Variants in FRMD4B observed in about 807,000 individuals in gnomAD.
FRMD4B encodes the protein FERM domain containing 4B.
FRMD4B carries 74 observed loss-of-function variants against 141.5 expected under a neutral mutation model. The observed-to-expected ratio is 0.52, with a 90% confidence interval of 0.43 to 0.63. The LOEUF is 0.63. Ranked by LOEUF, FRMD4B falls within the 30% of genes least tolerant of loss-of-function variation. The probability of loss-of-function intolerance (pLI) is 0.00; values close to 1 mark genes in which losing one functional copy is unlikely to be tolerated. For synonymous variants in FRMD4B, 506 were observed against 467.9 expected (o/e 1.08, Z -1.05); for missense variants, 1,366 against 1,253.4 (o/e 1.09, Z -1.36).
chr3:69,491,607 CAG>C (rs1706302123), intron 1 of FRMD4B, among the ~76,000 whole-genome samples: 1 of 152,146 alleles, frequency 6.6e-6, no homozygotes, highest in Non-Finnish European at 1.5e-5. Flanking sequence ...AGAAAAGAGA[CAG>C]GGTTAAAGTT....
intron 5 of FRMD4B, chr3:69,287,549 G>C: frequency 1.8e-6 from 1 of 546,210 alleles, no homozygotes; most frequent in Non-Finnish European, 3.3e-6. Context: ...TTCCCGTGCA[G>C]ATGGTTGTCT....
chr3:69,205,909 TAC>T (rs1223296181), intron 11 of FRMD4B, among the ~76,000 whole-genome samples: 2 of 152,220 alleles, frequency 1.3e-5, no homozygotes, highest in Non-Finnish European at 2.9e-5. Context: ...CACATTGCTT[TAC>T]ATATGCAAAT....
At chr3:69,446,115 C>T (rs2106875187) in intron 1 of FRMD4B, among the ~76,000 whole-genome samples, 1 of 152,216 alleles carries the variant, frequency 6.6e-6, no homozygotes, top group Admixed American at 6.5e-5. Context: ...ATAACCTCCG[C>T]CTCCCAGGAT....
chr3:69,198,394 T>C (rs1575601287), intron 12 of FRMD4B: 1 of 294,178 alleles, frequency 3.4e-6, no homozygotes, highest in East Asian at 6.5e-5. Flanking sequence ...TTCAACCCAC[T>C]AGGATGGCAT....
Position 69,520,039 on chromosome 3 carries a change from TATATTCCATCC to T in FRMD4B, c.-129+22156_-129+22166del, listed in dbSNP as rs571928144. Among the ~76,000 whole-genome samples the T allele has an allele frequency of 7.3e-4, 89 of 122,254 alleles. 6 individuals carry two copies. Among genetic ancestry groups the T allele is most frequent in the East Asian group, 4.5e-3 (19 of 4,216 alleles). 80.2% of individuals were successfully genotyped at this position (122,254 alleles called of 152,430 possible). A position where few individuals can be genotyped will look rare whatever the true frequency, so the allele number is the denominator to read the frequency against. ...ATATATATATATTCCATCATATATA[TATATTCCATCC>T]ATATATATATATGATGGAATATATA... On this transcript the variant is annotated intron_variant, in intron 1 of 5. Coordinates refer to the FRMD4B transcript ENST00000459638.
At chr3:69,471,089 T>G (rs534508208) in intron 1 of FRMD4B, among the ~76,000 whole-genome samples, 1 of 152,280 alleles carries the variant, frequency 6.6e-6, no homozygotes, top group South Asian at 2.1e-4. Context: ...CTTCCAAACT[T>G]CTCATATGTT....
At chr3:69,487,230 G>C (rs548718412) in intron 1 of FRMD4B, among the ~76,000 whole-genome samples, 1 of 152,240 alleles carries the variant, frequency 6.6e-6, no homozygotes, top group East Asian at 1.9e-4. Context: ...CAGACTATAG[G>C]CCTGAGTCTA....
intron 11 of FRMD4B, among the ~76,000 whole-genome samples, chr3:69,199,777 C>A (rs992452687): frequency 6.6e-6 from 1 of 152,220 alleles, no homozygotes; most frequent in African/African-American, 2.4e-5. Flanking sequence ...GAGGAACAAA[C>A]TTTACTAGCA....
intron 1 of FRMD4B, among the ~76,000 whole-genome samples, chr3:69,352,920 G>A (rs1703195442): frequency 2.6e-5 from 4 of 152,072 alleles, no homozygotes; most frequent in South Asian, 2.1e-4. Flanking sequence ...AGGACACCAC[G>A]GAATTTTTGT....
At chr3:69,350,450 T>C (rs535964119) in intron 1 of FRMD4B, among the ~76,000 whole-genome samples, 1 of 152,250 alleles carries the variant, frequency 6.6e-6, no homozygotes, top group African/African-American at 2.4e-5. Context: ...GAAATACCAT[T>C]TGACCCAGCC....
intron 19 of FRMD4B, among the ~76,000 whole-genome samples, chr3:69,186,819 G>A (rs2107615922): frequency 6.6e-6 from 1 of 152,252 alleles, no homozygotes; most frequent in Admixed American, 6.5e-5. Context: ...GATTATAGGT[G>A]TGAGCTGCCG....
chr3:69,257,133 C>T (rs1316615101), intron 5 of FRMD4B, among the ~76,000 whole-genome samples: 1 of 152,178 alleles, frequency 6.6e-6, no homozygotes, highest in African/African-American at 2.4e-5. Flanking sequence ...AACCACTTCT[C>T]TAGGTTCTCT....
chr3:69,309,499 G>A (rs1011181007), intron 3 of FRMD4B, among the ~76,000 whole-genome samples: 1 of 150,286 alleles, frequency 6.7e-6, no homozygotes, highest in Non-Finnish European at 1.5e-5. Flanking sequence ...GATGGCAGTA[G>A]TGCCATCATC....
chr3:69,409,679 G>C (rs1286538128), intron 2 of FRMD4B, among the ~76,000 whole-genome samples: 1 of 152,198 alleles, frequency 6.6e-6, no homozygotes, highest in Non-Finnish European at 1.5e-5. Context: ...TGGGACAGAA[G>C]CCAGTCCAAC....
At chr3:69,283,975 CAAAA>C (rs544611686) in intron 5 of FRMD4B, among the ~76,000 whole-genome samples, 1 of 147,272 alleles carries the variant, frequency 6.8e-6, no homozygotes, top group East Asian at 2.0e-4. Flanking sequence ...CAAAACAAAA[CAAAA>C]AAAACAAAAA....
At chr3:69,210,945 A>C (rs1440023567) in intron 11 of FRMD4B, among the ~76,000 whole-genome samples, 1 of 138,050 alleles carries the variant, frequency 7.2e-6, no homozygotes, top group African/African-American at 2.6e-5. Context: ...CCCGGGAAGC[A>C]GGGGTTGCAG....
intron 5 of FRMD4B, among the ~76,000 whole-genome samples, chr3:69,252,478 T>G (rs1156575274): frequency 6.6e-6 from 1 of 152,198 alleles, no homozygotes; most frequent in Admixed American, 6.5e-5. Context: ...CATATTCTTT[T>G]AAAACCCTCA....
intron 1 of FRMD4B, among the ~76,000 whole-genome samples, chr3:69,339,576 A>G (rs1702667669): frequency 6.6e-6 from 1 of 152,214 alleles, no homozygotes; most frequent in Non-Finnish European, 1.5e-5. Context: ...GGAATGATGC[A>G]GCTACATGAA....
In FRMD4B at chr3:69,465,456, A is replaced by G. The variant is rs184527846; in HGVS notation, c.-128-32695T>C. On this transcript the variant is annotated intron_variant, in intron 1 of 5. Transcript: ENST00000459638. ...TACACAACATGCAGGTTTGTTACAC[A>G]GGTATACATGTGCCATGTTTGCTTA... Among the ~76,000 whole-genome samples the G allele has an allele frequency of 4.3e-3, 657 of 152,256 alleles. 7 individuals carry two copies. The highest frequency in any genetic ancestry group is 0.024 in the Middle Eastern group (7 of 294).
Sources: allele counts gnomAD v4.1 joint callset (sites outside exome capture counted in the v4.1 genomes callset), GRCh38; gene constraint gnomAD v4.1.1; transcripts MANE v1.5; gene names NCBI Gene and HGNC (gene_info 2026-07-23, HGNC 2026-07-21).